Variants in GRID2 observed in about 807,000 individuals in gnomAD.
GRID2 encodes glutamate ionotropic receptor delta type subunit 2.
A neutral mutation model predicts 114.8 loss-of-function variants in GRID2; 33 were observed. The ratio of observed to expected loss-of-function variants is 0.29; its 90% CI spans 0.22 to 0.38. GRID2 has a LOEUF of 0.38. GRID2 is among the 10% of genes least tolerant of loss of function. GRID2 has a pLI of 1.00. For synonymous variants in GRID2, 505 were observed against 449.9 expected, an observed-to-expected ratio of 1.12 and a Z score of -1.55; for missense variants, 1,184 against 1,257.7, an observed-to-expected ratio of 0.94 and a Z score of 0.89.
At chr4:93,391,970 A>C (rs961880577) in intron 8 of GRID2, among the ~76,000 whole-genome samples, 2 of 152,192 alleles carry the variant, frequency 1.3e-5, no homozygotes, top group African/African-American at 4.8e-5. Flanking sequence ...ATAGGAAATC[A>C]ATAACCAGAA....
intron 2 of GRID2, among the ~76,000 whole-genome samples, chr4:92,952,418 C>G (rs1168047489): frequency 6.6e-6 from 1 of 152,160 alleles, no homozygotes; most frequent in Non-Finnish European, 1.5e-5. Context: ...TAAACACATT[C>G]AGAAATTATG....
chr4:93,402,641 C>A (rs1394746860), intron 9 of GRID2, among the ~76,000 whole-genome samples: 1 of 151,906 alleles, frequency 6.6e-6, no homozygotes, highest in Non-Finnish European at 1.5e-5. Flanking sequence ...CTAATGAGGA[C>A]CACAGGAACT....
At chr4:92,732,753 CAG>C (rs1265735370) in intron 2 of GRID2, among the ~76,000 whole-genome samples, 3 of 152,188 alleles carry the variant, frequency 2.0e-5, no homozygotes, top group East Asian at 3.9e-4. Context: ...ACCTATCTAA[CAG>C]AAACAGGAGA....
intron 2 of GRID2, among the ~76,000 whole-genome samples, chr4:92,799,829 A>G (rs759451399): frequency 1.3e-5 from 2 of 151,988 alleles, no homozygotes; most frequent in Non-Finnish European, 2.9e-5. Context: ...AAGGAAAATT[A>G]TTTTTGATAG....
intron 13 of GRID2, among the ~76,000 whole-genome samples, chr4:93,589,070 C>CT (rs1737849723): frequency 6.6e-6 from 1 of 151,534 alleles, no homozygotes; most frequent in East Asian, 1.9e-4. Flanking sequence ...TATTATTATA[C>CT]TTTAAGTTTT....
chr4:92,505,775 T>C (rs1404973805), intron 1 of GRID2, among the ~76,000 whole-genome samples: 1 of 152,038 alleles, frequency 6.6e-6, no homozygotes, highest in Non-Finnish European at 1.5e-5. Flanking sequence ...AATATATCTT[T>C]TAGTGCAATG....
chr4:92,839,208 C>T (rs1578274668), intron 2 of GRID2, among the ~76,000 whole-genome samples: 1 of 151,138 alleles, frequency 6.6e-6, no homozygotes, highest in East Asian at 1.9e-4. Context: ...ATTTGGTAAA[C>T]ATGACTTGGT....
At chr4:93,082,845 A>G (rs1729986357) in intron 2 of GRID2, among the ~76,000 whole-genome samples, 1 of 152,240 alleles carries the variant, frequency 6.6e-6, no homozygotes, top group African/African-American at 2.4e-5. Flanking sequence ...AATAGGAAGT[A>G]ACAGTGGGTT....
At chr4:92,310,953 G>A (rs1327594776) in intron 1 of GRID2, among the ~76,000 whole-genome samples, 10 of 152,100 alleles carry the variant, frequency 6.6e-5, no homozygotes, top group Non-Finnish European at 4.4e-5. Flanking sequence ...AATTGAAGAT[G>A]TCTTTGTTGC....
At position 93,390,028 on chromosome 4, in the gene GRID2, A is replaced by T. The variant is rs558714274; in HGVS notation, c.1246-5579A>T. ...GGTCTTGAACTCCTGACCTTAGGTG[A>T]TCTACCCGCCTTGGCCTCCCAAAGT... On this transcript the variant is annotated intron_variant, in intron 8 of 15. Transcript: ENST00000282020. Among the ~76,000 whole-genome samples, 5 of 152,262 alleles carry T rather than the reference A, an allele frequency of 3.3e-5. 1 individual carries two copies. The South Asian group carries it at 1.0e-3, about 32-fold the overall frequency.
At chr4:93,185,764 TACTTTA>T (rs1354410684) in intron 4 of GRID2, among the ~76,000 whole-genome samples, 2 of 152,208 alleles carry the variant, frequency 1.3e-5, no homozygotes, top group Admixed American at 1.3e-4. Flanking sequence ...TTTTATATTA[TACTTTA>T]ACTTCTAGGG....
chr4:92,357,461 G>A (rs1728383039), intron 1 of GRID2, among the ~76,000 whole-genome samples: 2 of 151,768 alleles, frequency 1.3e-5, no homozygotes, highest in African/African-American at 4.8e-5. Flanking sequence ...TAGGTTACCT[G>A]TATTTCAAAG....
intron 8 of GRID2, among the ~76,000 whole-genome samples, chr4:93,362,110 G>C (rs1030604734): frequency 2.6e-5 from 4 of 152,030 alleles, no homozygotes; most frequent in Non-Finnish European, 4.4e-5. Flanking sequence ...GTGCACCACA[G>C]GTTTCCAATC....
chr4:93,472,333 G>A (rs1169585552), intron 11 of GRID2, among the ~76,000 whole-genome samples: 1 of 151,830 alleles, frequency 6.6e-6, no homozygotes, highest in East Asian at 2.0e-4. Context: ...CAAAAAAAAA[G>A]TTATAATTTT....
intron 2 of GRID2, among the ~76,000 whole-genome samples, chr4:92,812,362 A>C (rs984067837): frequency 6.6e-6 from 1 of 152,098 alleles, no homozygotes. Context: ...AGAGTGAAAC[A>C]GATTTAATCA....
chr4:93,608,888 C>G (rs564806372), intron 13 of GRID2, among the ~76,000 whole-genome samples: 1 of 132,292 alleles, frequency 7.6e-6, no homozygotes, highest in East Asian at 2.0e-4. Context: ...AATCGCCACA[C>G]TGACTTCCAC....
chr4:93,679,057 G>A (rs991864239), intron 14 of GRID2, among the ~76,000 whole-genome samples: 1 of 151,004 alleles, frequency 6.6e-6, no homozygotes, highest in African/African-American at 2.5e-5. Context: ...GACACACATA[G>A]GCTCAAAATA....
intron 2 of GRID2, among the ~76,000 whole-genome samples, chr4:92,739,475 G>T (rs563314980): frequency 6.6e-6 from 1 of 151,812 alleles, no homozygotes; most frequent in Non-Finnish European, 1.5e-5. Flanking sequence ...TTTAAATCTG[G>T]CTGTCTTTGA....
chr4:92,745,248 T>C (rs1737091361), intron 2 of GRID2, among the ~76,000 whole-genome samples: 1 of 152,240 alleles, frequency 6.6e-6, no homozygotes, highest in South Asian at 2.1e-4. Flanking sequence ...TTCTTATTTC[T>C]GCTTTTAAGG....
Sources: gnomAD v4.1 joint callset for allele counts (sites outside exome capture counted in the v4.1 genomes callset) on GRCh38, gnomAD v4.1.1 for gene constraint, MANE v1.5 for transcripts, NCBI Gene and HGNC (gene_info 2026-07-23, HGNC 2026-07-21) for gene names.